PTPRD: variants seen among roughly 807,000 people sequenced by gnomAD.
PTPRD encodes protein tyrosine phosphatase receptor type D, also known as receptor-type tyrosine-protein phosphatase delta.
A neutral mutation model predicts 214.5 loss-of-function variants in PTPRD; 34 were observed. The ratio of observed to expected loss-of-function variants is 0.16; its 90% CI spans 0.12 to 0.21. The LOEUF is 0.21. Ranked by LOEUF, PTPRD falls within the 10% of genes least tolerant of loss-of-function variation. The pLI is 1.00. For missense variants in PTPRD, 2,545 were observed against 2,398.7 expected (o/e 1.06, Z -1.27); for synonymous variants, 1,128 against 845.7 (o/e 1.33, Z -5.79).
chr9:9,819,473 C>T (rs10978008), intron 5 of PTPRD, among the ~76,000 whole-genome samples: 4,163 of 152,264 alleles, frequency 0.027, 70 homozygotes, highest in Middle Eastern at 0.054. Flanking sequence ...TGCTGTAATA[C>T]ATAACTTACT....
chr9:9,796,721 C>A (rs1212451224), intron 5 of PTPRD, among the ~76,000 whole-genome samples: 1 of 152,056 alleles, frequency 6.6e-6, no homozygotes, highest in Non-Finnish European at 1.5e-5. Flanking sequence ...GAAAGGACTT[C>A]ATGAAAAACC....
intron 4 of PTPRD, among the ~76,000 whole-genome samples, chr9:9,998,494 C>A (rs552827917): frequency 6.6e-6 from 1 of 152,038 alleles, no homozygotes; most frequent in African/African-American, 2.4e-5. Flanking sequence ...AAACTCTAAT[C>A]CAATATTTTT....
At chr9:9,356,345 G>T (rs999745562) in intron 9 of PTPRD, among the ~76,000 whole-genome samples, 1 of 151,336 alleles carries the variant, frequency 6.6e-6, no homozygotes, top group Non-Finnish European at 1.5e-5. Flanking sequence ...TTGGCTTGGC[G>T]GTTGAGGGAC....
chr9:8,833,991 A>C (rs190587329), intron 11 of PTPRD, among the ~76,000 whole-genome samples: 1 of 151,516 alleles, frequency 6.6e-6, no homozygotes, highest in Admixed American at 6.6e-5. Flanking sequence ...ATTTAGTAGA[A>C]TTCTAAATTT....
intron 9 of PTPRD, among the ~76,000 whole-genome samples, chr9:9,224,376 G>A (rs13299923): frequency 0.13 from 20,057 of 151,970 alleles, 1,613 homozygotes; most frequent in Middle Eastern, 0.23. Flanking sequence ...TTCTCATTGC[G>A]TAAACTTCAT....
chr9:10,050,430 C>A (rs917892940), intron 3 of PTPRD, among the ~76,000 whole-genome samples: 1 of 150,704 alleles, frequency 6.6e-6, no homozygotes, highest in East Asian at 2.0e-4. Context: ...CGTGGTGGCG[C>A]GCGTCTGTAG....
At chr9:9,774,699 T>C (rs1054559465) in intron 5 of PTPRD, among the ~76,000 whole-genome samples, 1 of 152,228 alleles carries the variant, frequency 6.6e-6, no homozygotes, top group Admixed American at 6.5e-5. Flanking sequence ...TAGGCATTCA[T>C]ATAGAAGCCT....
chr9:9,734,343 TATC>T (rs1340756449), intron 7 of PTPRD, among the ~76,000 whole-genome samples, 187 bp downstream of exon 7: 14 of 152,172 alleles, frequency 9.2e-5, no homozygotes, highest in African/African-American at 3.4e-4. Context: ...TATCTGGACT[TATC>T]ATATTGTCTA....
rs569831754 is a variant in PTPRD, at chr9:10,239,286, A to G, written c.-545+101677T>C. ...AGAATTATACAATGAATGTGACTAA[A>G]ATGGTATAATAAATGTGATAAAGTA... On this transcript the variant is annotated intron_variant, in intron 3 of 45. Transcript: ENST00000381196. Among the ~76,000 whole-genome samples the G allele has an allele frequency of 3.9e-5, 6 of 151,964 alleles. No homozygotes were observed. The South Asian group carries it at 1.2e-3, about 31-fold the overall frequency.
intron 11 of PTPRD, among the ~76,000 whole-genome samples, chr9:8,743,906 C>G (rs923652122): frequency 6.6e-6 from 1 of 151,364 alleles, no homozygotes; most frequent in African/African-American, 2.4e-5. Flanking sequence ...GGACTAATAT[C>G]CAGAATCTAC....
At chr9:8,920,805 T>G (rs1052633205) in intron 11 of PTPRD, among the ~76,000 whole-genome samples, 3 of 151,904 alleles carry the variant, frequency 2.0e-5, no homozygotes, top group Non-Finnish European at 4.4e-5. Context: ...ATTTTCTTAT[T>G]TATTTATTTA....
intron 26 of PTPRD, among the ~76,000 whole-genome samples, chr9:8,496,213 C>CACAA (rs1554641978): frequency 2.7e-4 from 35 of 128,180 alleles, no homozygotes; most frequent in African/African-American, 8.9e-4. Context: ...CACACACAAA[C>CACAA]ACACACACAC....
chr9:10,127,510 C>T (rs541460701), intron 3 of PTPRD, among the ~76,000 whole-genome samples: 1 of 152,234 alleles, frequency 6.6e-6, no homozygotes, highest in East Asian at 1.9e-4. Context: ...TCTCTCTCAG[C>T]TTTAAATTCA....
chr9:9,772,840 C>G (rs2098763528), intron 5 of PTPRD, among the ~76,000 whole-genome samples: 1 of 152,102 alleles, frequency 6.6e-6, no homozygotes, highest in African/African-American at 2.4e-5. Flanking sequence ...AAAATATTTG[C>G]TCCCTTTTAC....
intron 3 of PTPRD, among the ~76,000 whole-genome samples, chr9:10,182,259 CAAAAA>C (rs3075574): frequency 1.8e-5 from 1 of 54,442 alleles, no homozygotes; most frequent in Non-Finnish European, 3.4e-5. Context: ...GACTCTGCCT[CAAAAA>C]AAAAAAAAAA....
chr9:9,657,422 G>T lies in PTPRD; in HGVS notation c.-287+77111C>A, dbSNP rs528012934. Among the ~76,000 whole-genome samples the T allele has an allele frequency of 9.9e-5, 15 of 152,182 alleles. 1 individual carries two copies. The South Asian group carries it at 3.1e-3, about 32-fold the overall frequency. On this transcript the variant is annotated intron_variant, in intron 7 of 45. Coordinates refer to ENST00000381196, the MANE Select transcript of PTPRD (RefSeq NM_002839.4). Reference sequence around the variant, plus strand: ...AACAGTGAGAACGCATGGACACAGGGAGGAGAACATCACACACCGGGGGCC... The same window carrying T: ...AACAGTGAGAACGCATGGACACAGGTAGGAGAACATCACACACCGGGGGCC...
At chr9:9,563,659 T>C (rs1223114462) in intron 8 of PTPRD, among the ~76,000 whole-genome samples, 5 of 152,172 alleles carry the variant, frequency 3.3e-5, no homozygotes, top group Non-Finnish European at 5.9e-5. Context: ...TTAAACATTA[T>C]GTTATATGAA....
chr9:9,958,453 C>T (rs2094122458), intron 4 of PTPRD, among the ~76,000 whole-genome samples: 1 of 152,098 alleles, frequency 6.6e-6, no homozygotes, highest in Non-Finnish European at 1.5e-5. Context: ...ATTGCTTGAA[C>T]CCAGGAGGCA....
intron 39 of PTPRD, among the ~76,000 whole-genome samples, chr9:8,373,882 CT>C (rs1223273269): frequency 1.4e-4 from 14 of 100,128 alleles, no homozygotes; most frequent in Non-Finnish European, 8.4e-5. Flanking sequence ...ATCTATCTAT[CT>C]ATCTATCTAT....
Sources: gnomAD v4.1 joint callset for allele counts (sites outside exome capture counted in the v4.1 genomes callset) on GRCh38, gnomAD v4.1.1 for gene constraint, MANE v1.5 for transcripts, NCBI Gene and HGNC (gene_info 2026-07-23, HGNC 2026-07-21) for gene names.